OSBPL10: variants seen among roughly 807,000 people sequenced by gnomAD.
OSBPL10 encodes the protein oxysterol binding protein like 10.
OSBPL10 carries 49 observed loss-of-function variants against 81.7 expected under a neutral mutation model. The observed-to-expected ratio is 0.60, with a 90% CI of 0.48 to 0.76. The LOEUF is 0.76. OSBPL10 is among the 30% of genes least tolerant of loss of function. The pLI is 0.00. For missense variants in OSBPL10, 923 were observed against 987.8 expected (o/e 0.93, Z 0.88); for synonymous variants, 419 against 383.6 (o/e 1.09, Z -1.08).
At chr3:31,866,386 G>A (rs1326462757) in intron 3 of OSBPL10, among the ~76,000 whole-genome samples, 6 of 152,144 alleles carry the variant, frequency 3.9e-5, no homozygotes, top group Non-Finnish European at 7.3e-5. Flanking sequence ...ACACACTCCT[G>A]TGCACTCAAC....
At chr3:31,783,722 C>CGGAGGTTGA (rs544950094) in intron 4 of OSBPL10, among the ~76,000 whole-genome samples, 1,961 of 133,762 alleles carry the variant, frequency 0.015, 21 homozygotes, top group Non-Finnish European at 0.021. Context: ...ACCTGAGAGG[C>CGGAGGTTGA]GGAGGTTGCA....
At chr3:31,812,506 T>G (rs1277005773) in intron 4 of OSBPL10, among the ~76,000 whole-genome samples, 1 of 152,066 alleles carries the variant, frequency 6.6e-6, no homozygotes, top group Non-Finnish European at 1.5e-5. Flanking sequence ...TGAATTCTTT[T>G]TAGAATCTCA....
Position 31,725,812 on chromosome 3 carries a change from C to A in OSBPL10, c.1095+7445G>T, listed in dbSNP as rs183128636. On this transcript the variant is annotated intron_variant, in intron 6 of 11. Coordinates refer to ENST00000396556, the MANE Select transcript of OSBPL10 (RefSeq NM_017784.5). ...ACGAGAAGGAAGCATGCCCTTTAGTCATGAATACTACCAATGAACCTCATC... is the reference window on the plus strand; with the variant it reads ...ACGAGAAGGAAGCATGCCCTTTAGTAATGAATACTACCAATGAACCTCATC... Among the ~76,000 whole-genome samples, 393 of 152,346 alleles carry A rather than the reference C, an allele frequency of 2.6e-3. 2 individuals are homozygous for A. The highest frequency in any genetic ancestry group is 9.0e-3 in the African/African-American group (375 of 41,570).
At chr3:32,056,272 C>T (rs959580686) in intron 1 of OSBPL10, among the ~76,000 whole-genome samples, 6 of 152,158 alleles carry the variant, frequency 3.9e-5, no homozygotes, top group African/African-American at 1.2e-4. Flanking sequence ...TTTCTGACTG[C>T]AGCTCAGAAG....
At position 31,739,627 on chromosome 3, in the gene OSBPL10, A is replaced by G. The variant is rs1029462468; in HGVS notation, c.941-6216T>C. Among the ~76,000 whole-genome samples, 3 of 152,276 alleles carry G rather than the reference A, an allele frequency of 2.0e-5. No individual in the cohort carries two copies. In the South Asian group the frequency reaches 6.2e-4, roughly 32 times the overall value. On this transcript the variant is annotated intron_variant, in intron 5 of 11. Transcript: ENST00000396556. ...CGGTTGCCCTCCAGGCTCACACACC[A>G]AAGAAATGCCATGTGTGGACACAGC...
At position 32,027,520 on chromosome 3, in the gene OSBPL10, A is replaced by G. The variant is rs74281404; in HGVS notation, n.298+18971T>C. Among the ~76,000 whole-genome samples, 968 of 146,362 alleles carry G rather than the reference A, an allele frequency of 6.6e-3. 30 individuals are homozygous for G. The East Asian group carries it at 0.11, about 16-fold the overall frequency. ...GCAAATAAGACAAATGTTAACAATTAATAATTCTTGATGTTGGAAATAAGT... is the reference window on the plus strand; with the variant it reads ...GCAAATAAGACAAATGTTAACAATTGATAATTCTTGATGTTGGAAATAAGT... On this transcript the variant is annotated intron_variant and non_coding_transcript_variant, in intron 2 of 3. Transcript: ENST00000479173.
At chr3:31,945,149 C>CAA (rs71628589) in intron 1 of OSBPL10, among the ~76,000 whole-genome samples, 33 of 81,506 alleles carry the variant, frequency 4.0e-4, no homozygotes, top group South Asian at 1.8e-3. Context: ...GACTCCGTCT[C>CAA]AAAAAAAAAA....
chr3:31,818,001 G>A (rs1246616974), intron 4 of OSBPL10, among the ~76,000 whole-genome samples: 1 of 152,184 alleles, frequency 6.6e-6, no homozygotes, highest in Non-Finnish European at 1.5e-5. Flanking sequence ...AGATACTTGA[G>A]AGGCTGAGGT....
chr3:32,065,368 A>G (rs913139955), intron 1 of OSBPL10: 3 of 92,924 alleles, frequency 3.2e-5, no homozygotes, highest in African/African-American at 8.3e-5. Flanking sequence ...ATATGCTCAG[A>G]TCTGGGTTTC....
In OSBPL10 at chr3:31,729,609, T is replaced by C. The variant is rs552958036; in HGVS notation, c.1095+3648A>G. The stretch of plus-strand genomic sequence containing the variant: ...CTCATTTTTGTATTTTTAATAGAGA[T>C]GGGGTTTTACCATGTTGGTCAGGCT... On this transcript the variant is annotated intron_variant, in intron 6 of 11. Coordinates refer to ENST00000396556, the MANE Select transcript of OSBPL10 (RefSeq NM_017784.5). Among the ~76,000 whole-genome samples, 32 of 151,946 alleles carry C rather than the reference T, an allele frequency of 2.1e-4. 1 individual carries two copies. In the East Asian group the frequency reaches 5.8e-3, roughly 28 times the overall value.
intron 1 of OSBPL10, among the ~76,000 whole-genome samples, chr3:31,970,209 G>A (rs1575069366): frequency 6.6e-6 from 1 of 152,150 alleles, no homozygotes; most frequent in Admixed American, 6.5e-5. Flanking sequence ...GAGACTCGGG[G>A]CTTGCAAAAG....
chr3:31,748,086 A>G lies in OSBPL10; in HGVS notation c.764T>C (p.Leu255Pro). ...MNQVEGQQKN[L>P]VHAIESLPGS... is the part of the protein sequence containing the mutation. ...TGGCAGGGACTCAATGGCGTGCACA[A>G]GGTTCTTCTGCTGCCCTTCCACCTG... is the stretch of plus-strand genomic sequence containing the variant. Residue 255 changes from leucine (L) to proline (P), a missense_variant, in exon 5 of 12, where the codon CTT becomes CCT. Coordinates refer to ENST00000396556, the MANE Select transcript of OSBPL10 (RefSeq NM_017784.5). The G allele has an allele frequency of 6.2e-7, 1 of 1,614,100 alleles. No individual in the cohort carries two copies. The highest frequency in any genetic ancestry group is 8.5e-7 in the Non-Finnish European group (1 of 1,179,992).
chr3:31,988,310 T>C (rs1698965298), intron 2 of OSBPL10, among the ~76,000 whole-genome samples: 2 of 151,936 alleles, frequency 1.3e-5, no homozygotes, highest in African/African-American at 4.8e-5. Context: ...ACTTAGATGG[T>C]GAGATTGTGG....
chr3:32,055,789 G>GTA (rs1448745271), intron 1 of OSBPL10, among the ~76,000 whole-genome samples: 3 of 152,140 alleles, frequency 2.0e-5, no homozygotes, highest in African/African-American at 7.2e-5. Flanking sequence ...CACAGTTCCT[G>GTA]TACAGGGTCC....
chr3:31,965,395 A>AT (rs1196326718), intron 1 of OSBPL10, among the ~76,000 whole-genome samples: 1 of 107,408 alleles, frequency 9.3e-6, no homozygotes, highest in East Asian at 2.6e-4. Flanking sequence ...TATGTATAAT[A>AT]TATAATATAA....
chr3:31,830,228 CA>C lies in OSBPL10; in HGVS notation c.540del (p.Ser180ArgfsTer65). ...AKYHMEMNSK[S>X]APSSRSRSLT... ...AGACTTCGGCTTCGGGAGCTTGGAG[CA>C]CTCTAGAATAAGCAACAGGTGTCAA... On this transcript the variant is annotated frameshift_variant and splice_region_variant, in exon 4 of 12. Coordinates refer to ENST00000396556, the MANE Select transcript of OSBPL10 (RefSeq NM_017784.5). LOFTEE classifies it high-confidence loss of function. 6.2e-7 allele frequency: 1 copy of C among 1,612,820 alleles called. No individual in the cohort carries two copies. The highest frequency in any genetic ancestry group is 8.5e-7 in the Non-Finnish European group (1 of 1,179,412).
At chr3:31,712,969 A>T (rs1017487486) in intron 6 of OSBPL10, among the ~76,000 whole-genome samples, 3 of 152,216 alleles carry the variant, frequency 2.0e-5, no homozygotes, top group Non-Finnish European at 4.4e-5. Context: ...AACTTCTGCA[A>T]ATTATATCTA....
rs1255377472 is a variant in OSBPL10, at chr3:31,661,194, C to A, written c.*878G>T. ...AGGAAAAAATAATCCACAGGAAATT[C>A]TCTTCTCTTTCCCCAAACTAAATAC... On this transcript the variant is annotated 3_prime_UTR_variant, in exon 12 of 12. Transcript: ENST00000396556. 6.5e-6 allele frequency: 1 copy of A among 152,696 alleles called. No homozygotes were observed. The highest frequency in any genetic ancestry group is 1.9e-4 in the East Asian group (1 of 5,186). 9.5% of individuals were successfully genotyped at this position (152,696 alleles called of 1,614,324 possible). A position where few individuals can be genotyped will look rare whatever the true frequency, so the allele number is the denominator to read the frequency against.
chr3:31,694,351 A>T (rs1263702639), intron 7 of OSBPL10, among the ~76,000 whole-genome samples: 10 of 119,342 alleles, frequency 8.4e-5, no homozygotes, highest in African/African-American at 3.1e-4. Flanking sequence ...AGCCTGGGTG[A>T]CAGAGTAAGA....
Sources: gnomAD v4.1 joint callset for allele counts (sites outside exome capture counted in the v4.1 genomes callset) on GRCh38, gnomAD v4.1.1 for gene constraint, MANE v1.5 for transcripts, NCBI Gene and HGNC (gene_info 2026-07-23, HGNC 2026-07-21) for gene names.